The following MIB1 variants were observed in gnomAD, a reference collection of about 807,000 sequenced individuals.
The protein encoded by MIB1 is E3 ubiquitin-protein ligase MIB1.
MIB1 carries 278 observed loss-of-function variants against 124.5 expected under a neutral mutation model. The observed-to-expected ratio is 2.23, with a 90% CI of 2.02 to 2.47. The LOEUF is 2.47. MIB1 is among the 30% of genes most tolerant of loss of function. MIB1 has a pLI of 0.00. For missense variants in MIB1, 957 were observed against 1,254.4 expected, an observed-to-expected ratio of 0.76 and a Z score of 3.58; for synonymous variants, 446 against 429.4, an observed-to-expected ratio of 1.04 and a Z score of -0.48.
At chr18:21,847,611 G>A (rs2146509517) in intron 16 of MIB1, among the ~76,000 whole-genome samples, 1 of 152,210 alleles carries the variant, frequency 6.6e-6, no homozygotes, top group African/African-American at 2.4e-5. Flanking sequence ...GTATGCATGT[G>A]CCACTGTGCC....
intron 8 of MIB1, 28 bp downstream of exon 8, chr18:21,798,256 A>G: frequency 6.2e-7 from 1 of 1,608,972 alleles, no homozygotes; most frequent in Non-Finnish European, 8.5e-7. Flanking sequence ...TTTCTTTAAG[A>G]GTAATGTGGT....
At chr18:21,800,920 G>T (rs1426741382) in intron 9 of MIB1, among the ~76,000 whole-genome samples, 1 of 151,902 alleles carries the variant, frequency 6.6e-6, no homozygotes, top group African/African-American at 2.4e-5. Flanking sequence ...AAGATAGTCG[G>T]ATTTCCTTTG....
intron 2 of MIB1, among the ~76,000 whole-genome samples, chr18:21,766,329 A>T (rs776177046): frequency 6.6e-6 from 1 of 152,246 alleles, no homozygotes; most frequent in Non-Finnish European, 1.5e-5. Context: ...TATTAGGACT[A>T]TACAACATCT....
intron 6 of MIB1, among the ~76,000 whole-genome samples, chr18:21,784,878 C>T (rs1465896260): frequency 6.6e-6 from 1 of 152,134 alleles, no homozygotes; most frequent in Non-Finnish European, 1.5e-5. Flanking sequence ...GAAGATCTGA[C>T]ATCAGCCAGG....
chr18:21,839,170 G>A (rs550968994), intron 13 of MIB1, among the ~76,000 whole-genome samples: 1 of 152,202 alleles, frequency 6.6e-6, no homozygotes, highest in East Asian at 1.9e-4. Context: ...GTCTAGTTAA[G>A]AAGATGAAAC....
Position 21,819,568 on chromosome 18 carries a change from A to G in MIB1, c.1751A>G (p.Glu584Gly), listed in dbSNP as rs990601743. The G allele has an allele frequency of 5.0e-6, 8 of 1,612,240 alleles. No individual in the cohort carries two copies. The highest frequency in any genetic ancestry group is 6.8e-6 in the Non-Finnish European group (8 of 1,178,616). Residue 584 changes from glutamate (E) to glycine (G), a missense_variant, in exon 12 of 21, where the codon GAA becomes GGA. Coordinates refer to ENST00000261537, the MANE Select transcript of MIB1 (RefSeq NM_020774.4). ...KRDDILAVLLEAGADVTITNN... is the reference protein window; with the variant it reads ...KRDDILAVLLGAGADVTITNN... ...GATGATATCCTAGCAGTTCTTTTGGAAGCTGGAGCAGATGTTACCATCACA... is the reference window on the plus strand; with the variant it reads ...GATGATATCCTAGCAGTTCTTTTGGGAGCTGGAGCAGATGTTACCATCACA...
At chr18:21,849,610 A>G (rs2042165141) in intron 17 of MIB1, among the ~76,000 whole-genome samples, 1 of 152,026 alleles carries the variant, frequency 6.6e-6, no homozygotes, top group Non-Finnish European at 1.5e-5. Flanking sequence ...TAAGTTAATT[A>G]TTGTTTGAGT....
intron 1 of MIB1, among the ~76,000 whole-genome samples, chr18:21,711,782 C>G (rs1237439962): frequency 6.6e-6 from 1 of 152,196 alleles, no homozygotes; most frequent in Non-Finnish European, 1.5e-5. Context: ...CAGCCTCGAC[C>G]TCCCAGGCTC....
rs1399902644 is a variant in MIB1 at position 21,781,392 on chromosome 18, TATA to T, written c.908+1708_908+1710del. 5.7e-5 allele frequency among the ~76,000 whole-genome samples: 4 copies of T among 70,508 alleles called. No individual in the cohort carries two copies. In the East Asian group the frequency reaches 2.2e-3, roughly 39 times the overall value. The allele number at this position is 70,508 out of a possible 152,430, so 46.3% of individuals were successfully genotyped here. ...ATATATATATATATATATATATATA[TATA>T]TATATATATATATATATATAAAATT... is the stretch of plus-strand genomic sequence containing the variant. On this transcript the variant is annotated intron_variant, in intron 6 of 20. Coordinates refer to ENST00000261537, the MANE Select transcript of MIB1 (RefSeq NM_020774.4).
intron 7 of MIB1, among the ~76,000 whole-genome samples, chr18:21,797,278 G>T (rs1049895834): frequency 6.6e-6 from 1 of 152,098 alleles, no homozygotes; most frequent in African/African-American, 2.4e-5. Flanking sequence ...ACAAATGGTT[G>T]ATGGGTACAT....
At chr18:21,808,822 A>G (rs994916411) in intron 10 of MIB1, among the ~76,000 whole-genome samples, 3 of 152,250 alleles carry the variant, frequency 2.0e-5, no homozygotes, top group African/African-American at 7.2e-5. Context: ...TAGTAAAGGT[A>G]TGGAGATTTG....
intron 10 of MIB1, among the ~76,000 whole-genome samples, chr18:21,810,338 T>G (rs964056232): frequency 6.6e-6 from 1 of 152,100 alleles, no homozygotes; most frequent in Admixed American, 6.5e-5. Flanking sequence ...ACATATTCAA[T>G]GAAATTCTGT....
chr18:21,783,817 G>A (rs1169838918), intron 6 of MIB1, among the ~76,000 whole-genome samples: 1 of 151,786 alleles, frequency 6.6e-6, no homozygotes, highest in African/African-American at 2.4e-5. Context: ...CATGATCATG[G>A]CTCACTGAAG....
At chr18:21,859,310 C>G (rs2042254037) in intron 20 of MIB1, among the ~76,000 whole-genome samples, 1 of 151,076 alleles carries the variant, frequency 6.6e-6, no homozygotes, top group Non-Finnish European at 1.5e-5. Context: ...GGGAGGATCA[C>G]TTGAACCTGA....
At chr18:21,770,443 A>T (rs1202757835) in intron 3 of MIB1, among the ~76,000 whole-genome samples, 1 of 152,046 alleles carries the variant, frequency 6.6e-6, no homozygotes, top group Non-Finnish European at 1.5e-5. Context: ...CACTCCCCTG[A>T]TGTAACCCAC....
chr18:21,831,948 T>TG (rs2041988062), intron 12 of MIB1, among the ~76,000 whole-genome samples: 1 of 152,326 alleles, frequency 6.6e-6, no homozygotes, highest in African/African-American at 2.4e-5. Flanking sequence ...GTTACATATC[T>TG]AAAGGCCTGA....
intron 12 of MIB1, chr18:21,825,853 T>G (rs1339289039): frequency 2.4e-6 from 1 of 412,154 alleles, no homozygotes; most frequent in Non-Finnish European, 5.0e-6. Flanking sequence ...TCATGGACCT[T>G]CTACAAGTGT....
At chr18:21,857,632 G>A (rs145119805) in intron 19 of MIB1, among the ~76,000 whole-genome samples, 269 of 152,302 alleles carry the variant, frequency 1.8e-3, no homozygotes, top group African/African-American at 6.1e-3. Context: ...TATGCAACAG[G>A]TTTATTTGCT....
chr18:21,785,369 G>A (rs373635407), intron 6 of MIB1, among the ~76,000 whole-genome samples: 6 of 151,874 alleles, frequency 4.0e-5, no homozygotes, highest in East Asian at 1.9e-4. Context: ...ATGATCTCTC[G>A]TCTCCGCCCA....
Sources: allele counts gnomAD v4.1 joint callset (sites outside exome capture counted in the v4.1 genomes callset), GRCh38; gene constraint gnomAD v4.1.1; transcripts MANE v1.5; gene names NCBI Gene and HGNC (gene_info 2026-07-23, HGNC 2026-07-21).